The following EIF6 variants were observed in gnomAD, a reference collection of about 807,000 sequenced individuals.
The protein encoded by EIF6 is B4 integrin interactor.
In EIF6, 10 loss-of-function variants were observed where a neutral mutation model predicts 25.5. The observed-to-expected ratio is 0.39, with a 90% CI of 0.24 to 0.66. The LOEUF (loss-of-function observed/expected upper bound fraction) is 0.66. EIF6 is among the 30% of genes least tolerant of loss of function. The pLI, the probability that EIF6 is intolerant of heterozygous loss-of-function variation, is 0.45. For synonymous variants in EIF6, 122 were observed against 122.6 expected (o/e 1.00, Z 0.03); for missense variants, 246 against 315.4 (o/e 0.78, Z 1.67).
intron 3 of EIF6, among the ~76,000 whole-genome samples, chr20:35,281,834 T>A (rs2060778239): frequency 6.6e-6 from 1 of 152,198 alleles, no homozygotes; most frequent in African/African-American, 2.4e-5. Flanking sequence ...GACAGGAGTG[T>A]AAGTTGGTCA....
At chr20:35,284,350 G>A (rs748285635) in intron 2 of EIF6, 31 bp downstream of exon 2, 10 of 1,613,624 alleles carry the variant, frequency 6.2e-6, no homozygotes, top group East Asian at 2.2e-5. Flanking sequence ...ACGCCTCCCC[G>A]CCACCGTAAG....
chr20:35,279,777 C>T (rs1189965159), intron 5 of EIF6, 30 bp from the exon 6 acceptor site: 9 of 1,611,354 alleles, frequency 5.6e-6, no homozygotes, highest in South Asian at 2.2e-5. Context: ...ATGTGAGTCA[C>T]GGCACCAAAT....
intron 3 of EIF6, among the ~76,000 whole-genome samples, chr20:35,282,241 G>A (rs981037686): frequency 3.3e-5 from 5 of 152,196 alleles, no homozygotes; most frequent in South Asian, 4.1e-4. Flanking sequence ...CGCCCGCCTC[G>A]GCCTCCCAGA....
chr20:35,279,656 G>A lies in EIF6; in HGVS notation c.638C>T (p.Thr213Ile). 6.2e-7 allele frequency: 1 copy of A among 1,614,222 alleles called. No homozygotes were observed. The highest frequency in any genetic ancestry group is 8.5e-7 in the Non-Finnish European group (1 of 1,180,044). The change falls in exon 6 of 7, where the codon ACA becomes ATA. Residue 213 changes from threonine (T) to isoleucine (I), a missense_variant. Coordinates refer to ENST00000374450, the MANE Select transcript of EIF6 (RefSeq NM_002212.4). ...CAFCGLDTTS[T>I]ELSVVESVFK... ...GACACTCTCCACCACTGACAGCTCT[G>A]TGCTGGTTGTGTCCAGGCCACAGAA...
intron 3 of EIF6, among the ~76,000 whole-genome samples, chr20:35,282,741 C>T (rs564720848): frequency 6.6e-6 from 1 of 151,908 alleles, no homozygotes; most frequent in Non-Finnish European, 1.5e-5. Context: ...TCCCAAGTAG[C>T]TGGGATTATA....
chr20:35,279,454 G>T, intron 6 of EIF6, 112 bp downstream of exon 6: 1 of 1,431,588 alleles, frequency 7.0e-7, no homozygotes, highest in Non-Finnish European at 9.6e-7. Flanking sequence ...CACTCGAGAA[G>T]CTACCAGAAC....
chr20:35,284,533 T>A (rs1479229945), intron 1 of EIF6, 41 bp from the exon 2 acceptor site: 1 of 1,558,762 alleles, frequency 6.4e-7, no homozygotes, highest in Non-Finnish European at 8.7e-7. Flanking sequence ...CGGCGGATCC[T>A]TTCCCAAGTA....
intron 3 of EIF6, among the ~76,000 whole-genome samples, 197 bp downstream of exon 3, chr20:35,283,977 ATT>A (rs776062104): frequency 6.6e-5 from 10 of 152,110 alleles, no homozygotes; most frequent in Non-Finnish European, 8.8e-5. Context: ...ACTTTACATT[ATT>A]TGTTATTACT....
intron 1 of EIF6, 108 bp downstream of exon 1, chr20:35,284,618 C>T: frequency 8.9e-7 from 1 of 1,121,884 alleles, no homozygotes; most frequent in Non-Finnish European, 1.3e-6. Flanking sequence ...CCTCGGGTCC[C>T]GCCCACTGGG....
chr20:35,280,904 C>A, intron 3 of EIF6, 75 bp from the exon 4 acceptor site: 2 of 1,521,318 alleles, frequency 1.3e-6, no homozygotes, highest in East Asian at 2.3e-5. Context: ...ACCACTCAGC[C>A]CAGCCCAATC....
At chr20:35,279,437 G>T in intron 6 of EIF6, 129 bp downstream of exon 6, 3 of 1,303,448 alleles carry the variant, frequency 2.3e-6, no homozygotes, top group Non-Finnish European at 3.2e-6. Context: ...GTACAGATAT[G>T]CTCTCACACT....
intron 3 of EIF6, among the ~76,000 whole-genome samples, chr20:35,281,214 G>A (rs192438826): frequency 2.0e-5 from 3 of 151,814 alleles, no homozygotes; most frequent in Admixed American, 6.6e-5. Context: ...GTGAAACCCC[G>A]TCTCTACTAA....
At chr20:35,283,351 G>C (rs1424127144) in intron 3 of EIF6, among the ~76,000 whole-genome samples, 1 of 152,152 alleles carries the variant, frequency 6.6e-6, no homozygotes, top group East Asian at 1.9e-4. Context: ...AGTGCTGACA[G>C]GTAGGAAGGT....
At chr20:35,282,075 A>G (rs920417222) in intron 3 of EIF6, among the ~76,000 whole-genome samples, 1 of 145,910 alleles carries the variant, frequency 6.9e-6, no homozygotes, top group Admixed American at 6.9e-5. Context: ...TGCAAGTTCT[A>G]CCTCCCCGGT....
At chr20:35,284,563 G>A (rs1014308281) in intron 1 of EIF6, 71 bp from the exon 2 acceptor site, 1 of 1,515,036 alleles carries the variant, frequency 6.6e-7, no homozygotes, top group Non-Finnish European at 8.9e-7. Context: ...CCGTCCCTCA[G>A]GCCCCGCCGC....
At chr20:35,284,662 GC>G in intron 1 of EIF6, 63 bp downstream of exon 1, 1 of 730,856 alleles carries the variant, frequency 1.4e-6, no homozygotes, top group Non-Finnish European at 2.2e-6. Context: ...GAATCCTCTG[GC>G]CCCCACCCCT....
At chr20:35,284,009 T>C (rs1034442950) in intron 3 of EIF6, among the ~76,000 whole-genome samples, 167 bp downstream of exon 3, 3 of 152,200 alleles carry the variant, frequency 2.0e-5, no homozygotes, top group Admixed American at 2.0e-4. Flanking sequence ...CAGCCTTTGC[T>C]AGAGGGTTGC....
At position 35,280,706 on chromosome 20, in the gene EIF6, T is replaced by G; in HGVS notation, c.317A>C (p.Asn106Thr). ...RVEERLSALGNVTTCNDYVAL... is the reference protein window; with the variant it reads ...RVEERLSALGTVTTCNDYVAL... ...CACGTAGTCATTGCAGGTGGTGACA[T>G]TGCCCAAGGCTGAGAGCCGCTCCTC... Residue 106 changes from asparagine to threonine, a missense_variant, in exon 4 of 7, where the codon AAT (asparagine) becomes ACT (threonine). Coordinates refer to ENST00000374450, the MANE Select transcript of EIF6 (RefSeq NM_002212.4). 2 of 1,613,836 alleles carry G rather than the reference T, an allele frequency of 1.2e-6. No individual in the cohort carries two copies. Among genetic ancestry groups the G allele is most frequent in the Non-Finnish European group, 1.7e-6 (2 of 1,179,890 alleles).
At chr20:35,283,460 T>C (rs772833679) in intron 3 of EIF6, among the ~76,000 whole-genome samples, 1 of 152,056 alleles carries the variant, frequency 6.6e-6, no homozygotes, top group African/African-American at 2.4e-5. Context: ...AATGGATGCT[T>C]AGAAAGAGAA....
Sources: allele counts gnomAD v4.1 joint callset (sites outside exome capture counted in the v4.1 genomes callset), GRCh38; gene constraint gnomAD v4.1.1; transcripts MANE v1.5; gene names NCBI Gene and HGNC (gene_info 2026-07-23, HGNC 2026-07-21).